Variants in TTC7B observed in about 807,000 individuals in gnomAD.
The protein encoded by TTC7B is tetratricopeptide repeat protein 7B.
In TTC7B, 28 loss-of-function variants were observed where a neutral mutation model predicts 106.8. The observed-to-expected ratio is 0.26, with a 90% confidence interval of 0.19 to 0.36. The LOEUF (loss-of-function observed/expected upper bound fraction) is 0.36. Ranked by LOEUF, TTC7B falls within the 10% of genes least tolerant of loss-of-function variation. The probability of loss-of-function intolerance (pLI) is 1.00; values close to 1 mark genes in which losing one functional copy is unlikely to be tolerated. For missense variants in TTC7B, 862 were observed against 1,076.4 expected (o/e 0.80, Z 2.79); for synonymous variants, 405 against 430.6 (o/e 0.94, Z 0.74).
intron 9 of TTC7B, among the ~76,000 whole-genome samples, chr14:90,667,471 G>C (rs1364145412): frequency 6.6e-6 from 1 of 152,160 alleles, no homozygotes; most frequent in African/African-American, 2.4e-5. Flanking sequence ...AATTTGGTGA[G>C]AGGGGGTATT....
At chr14:90,699,026 G>A in intron 5 of TTC7B, 2 of 353,696 alleles carry the variant, frequency 5.7e-6, no homozygotes, top group Non-Finnish European at 5.5e-6. Context: ...GGGCTTGTCT[G>A]CTGATTCGCC....
At chr14:90,683,336 T>A (rs184416033) in intron 7 of TTC7B, among the ~76,000 whole-genome samples, 2 of 152,084 alleles carry the variant, frequency 1.3e-5, no homozygotes, top group South Asian at 4.1e-4. Flanking sequence ...ACCAGGAAAT[T>A]CCTGGAGAAA....
chr14:90,705,164 C>T (rs1888155028), intron 5 of TTC7B, among the ~76,000 whole-genome samples: 1 of 152,168 alleles, frequency 6.6e-6, no homozygotes, highest in African/African-American at 2.4e-5. Context: ...TGGGTCCCTC[C>T]CACTAGGATG....
In TTC7B at chr14:90,538,492, G is replaced by A. The variant is rs574795263; in HGVS notation, c.*2876C>T. 3.7e-4 allele frequency: 56 copies of A among 152,454 alleles called. No individual in the cohort carries two copies. Among genetic ancestry groups the A allele is most frequent in the African/African-American group, 1.3e-3 (55 of 41,574 alleles). The allele number at this position is 152,454 out of a possible 1,614,324, so 9.4% of individuals were successfully genotyped here. ...AGGCAAGGGCTTGAGAAGCCATCAG[G>A]GGTTTATAGAGAGAACCGACTCAAT... On this transcript the variant is annotated 3_prime_UTR_variant, in exon 20 of 20. Coordinates refer to ENST00000328459, the MANE Select transcript of TTC7B (RefSeq NM_001010854.2).
rs1449014230 is a variant in TTC7B at position 90,559,351 on chromosome 14, T to A, written c.2311-17762A>T. Among the ~76,000 whole-genome samples, 5 of 152,236 alleles carry A rather than the reference T, an allele frequency of 3.3e-5. No individual in the cohort carries two copies. The South Asian group carries it at 1.0e-3, about 32-fold the overall frequency. On this transcript the variant is annotated intron_variant, in intron 19 of 19. Coordinates refer to ENST00000328459, the MANE Select transcript of TTC7B (RefSeq NM_001010854.2). ...ACAGCACATATTGCTTCTGCAGTGC[T>A]CGCAGGAGTCTTTGCGAATGCAGTG...
intron 18 of TTC7B, among the ~76,000 whole-genome samples, chr14:90,588,350 G>T (rs1008640084): frequency 6.6e-6 from 1 of 152,228 alleles, no homozygotes; most frequent in African/African-American, 2.4e-5. Context: ...ACCATGAGAG[G>T]TGCCAAAGTG....
intron 13 of TTC7B, among the ~76,000 whole-genome samples, chr14:90,650,428 T>G (rs1476876453): frequency 6.6e-6 from 1 of 152,182 alleles, no homozygotes; most frequent in Non-Finnish European, 1.5e-5. Flanking sequence ...GTCCAGGATG[T>G]TCCTGATTTT....
intron 3 of TTC7B, among the ~76,000 whole-genome samples, chr14:90,765,518 G>A (rs939666052): frequency 6.6e-6 from 1 of 152,172 alleles, no homozygotes; most frequent in East Asian, 1.9e-4. Flanking sequence ...ACAGAATTCC[G>A]GGAAGATGGT....
intron 4 of TTC7B, among the ~76,000 whole-genome samples, chr14:90,738,641 A>G (rs1012171170): frequency 5.9e-5 from 9 of 152,106 alleles, no homozygotes; most frequent in South Asian, 4.1e-4. Flanking sequence ...AACTTGTAGA[A>G]AGCAACTGGA....
intron 18 of TTC7B, among the ~76,000 whole-genome samples, chr14:90,591,739 T>C (rs1038751033): frequency 6.6e-6 from 1 of 152,224 alleles, no homozygotes; most frequent in Non-Finnish European, 1.5e-5. Context: ...GCCTGGACAC[T>C]AAACCATACT....
chr14:90,765,979 C>T (rs1566876931), intron 3 of TTC7B, among the ~76,000 whole-genome samples: 1 of 152,152 alleles, frequency 6.6e-6, no homozygotes, highest in Non-Finnish European at 1.5e-5. Flanking sequence ...GAGGGCCAGA[C>T]ATTCAAGACT....
chr14:90,708,319 C>G lies in TTC7B; in HGVS notation c.699-12741G>C, dbSNP rs146907317. Reference sequence around the variant, plus strand: ...TTCTATTGGAAGAAAATGTTATCTACGACTTTCGTAGCTACAGAGAAGTCA... The same window carrying G: ...TTCTATTGGAAGAAAATGTTATCTAGGACTTTCGTAGCTACAGAGAAGTCA... On this transcript the variant is annotated intron_variant, in intron 5 of 19. Transcript: ENST00000328459. 7.3e-3 allele frequency among the ~76,000 whole-genome samples: 1,112 copies of G among 152,202 alleles called. 14 individuals carry two copies. The highest frequency in any genetic ancestry group is 0.025 in the African/African-American group (1,055 of 41,532).
intron 15 of TTC7B, among the ~76,000 whole-genome samples, chr14:90,625,777 C>T (rs1046962127): frequency 4.6e-5 from 7 of 152,160 alleles, no homozygotes; most frequent in Non-Finnish European, 7.3e-5. Context: ...AATAATGTCA[C>T]GTGAATAATC....
At chr14:90,737,545 T>C (rs575983871) in intron 4 of TTC7B, among the ~76,000 whole-genome samples, 158 of 130,044 alleles carry the variant, frequency 1.2e-3, no homozygotes, top group Non-Finnish European at 1.7e-3. Context: ...TGTATGATTC[T>C]GTTTTTTTTT....
intron 19 of TTC7B, among the ~76,000 whole-genome samples, chr14:90,567,139 G>A (rs543333732): frequency 3.3e-5 from 5 of 152,316 alleles, no homozygotes; most frequent in East Asian, 1.9e-4. Context: ...TCAGCACCCC[G>A]CAAGAGCCTG....
chr14:90,546,494 C>T (rs1480899188), intron 19 of TTC7B, among the ~76,000 whole-genome samples: 4 of 152,198 alleles, frequency 2.6e-5, no homozygotes, highest in Non-Finnish European at 4.4e-5. Context: ...AGGACGCAGC[C>T]CCAGCCCCCT....
In TTC7B at chr14:90,610,774, A is replaced by T. The variant is rs1892840128; in HGVS notation, c.1934T>A (p.Ile645Asn). 1.2e-6 allele frequency: 2 copies of T among 1,613,780 alleles called. No homozygotes were observed. Residue 645 changes from isoleucine to asparagine, a missense_variant, in exon 17 of 20, where the codon ATT becomes AAT. Physicochemically the swap from Ile to Asn is moderately radical, Grantham distance 149. Transcript: ENST00000328459. ...TIADRRQLNT[I>N]TLPDFSDPET... ...GGGATCGCTGAAGTCTGGCAAAGTAATTGTATTAAGCTGTCGTCTGTCAGC... is the reference window on the plus strand; with the variant it reads ...GGGATCGCTGAAGTCTGGCAAAGTATTTGTATTAAGCTGTCGTCTGTCAGC...
At chr14:90,715,294 T>C (rs1035575604) in intron 5 of TTC7B, among the ~76,000 whole-genome samples, 14 of 152,198 alleles carry the variant, frequency 9.2e-5, no homozygotes, top group African/African-American at 3.4e-4. Context: ...CTAAATGTTG[T>C]TCCTGAGCTT....
At chr14:90,676,980 A>G (rs7148260) in intron 8 of TTC7B, among the ~76,000 whole-genome samples, 131,477 of 152,124 alleles carry the variant, frequency 0.86, 56,999 homozygotes, top group East Asian at 0.98. Flanking sequence ...CCAGCCTCAT[A>G]GAAGACGCAG....
Sources: allele counts gnomAD v4.1 joint callset (sites outside exome capture counted in the v4.1 genomes callset), GRCh38; gene constraint gnomAD v4.1.1; transcripts MANE v1.5; gene names NCBI Gene and HGNC (gene_info 2026-07-23, HGNC 2026-07-21).